KCNH7: variants seen among roughly 807,000 people sequenced by gnomAD.
The protein encoded by KCNH7 is voltage-gated inwardly rectifying potassium channel KCNH7.
KCNH7 carries 49 observed loss-of-function variants against 120.8 expected under a neutral mutation model. The observed-to-expected ratio is 0.41, with a 90% CI of 0.32 to 0.51. KCNH7 has a LOEUF of 0.51. Among genes scored for constraint, KCNH7 ranks in the 20% least tolerant of loss-of-function variants. The pLI is 0.38. For synonymous variants in KCNH7, 547 were observed against 516.1 expected, an observed-to-expected ratio of 1.06 and a Z score of -0.81; for missense variants, 1,097 against 1,446.6, an observed-to-expected ratio of 0.76 and a Z score of 3.92.
At chr2:162,445,513 TC>T (rs1688550812) in intron 7 of KCNH7, among the ~76,000 whole-genome samples, 1 of 152,174 alleles carries the variant, frequency 6.6e-6, no homozygotes, top group Non-Finnish European at 1.5e-5. Context: ...TTTCTTAGTT[TC>T]CAACTTTATT....
At chr2:162,381,131 T>C (rs572099071) in intron 13 of KCNH7, among the ~76,000 whole-genome samples, 7 of 152,148 alleles carry the variant, frequency 4.6e-5, no homozygotes, top group Non-Finnish European at 7.4e-5. Flanking sequence ...GGAGGGCTAG[T>C]AGGAAGGAAG....
chr2:162,725,425 A>C (rs1361313478), intron 2 of KCNH7, among the ~76,000 whole-genome samples: 1 of 152,152 alleles, frequency 6.6e-6, no homozygotes, highest in East Asian at 1.9e-4. Flanking sequence ...TTATAACCAA[A>C]AATCTTTAAT....
intron 1 of KCNH7, 65 bp downstream of exon 1, chr2:162,838,378 G>T: frequency 1.5e-6 from 2 of 1,371,504 alleles, no homozygotes; most frequent in Admixed American, 1.7e-5. Flanking sequence ...CCTTGGAAGC[G>T]GTGGACGCCA....
intron 5 of KCNH7, among the ~76,000 whole-genome samples, chr2:162,507,116 C>T (rs1360172072): frequency 6.6e-6 from 1 of 151,686 alleles, no homozygotes; most frequent in Non-Finnish European, 1.5e-5. Flanking sequence ...TTATTCAGAA[C>T]TTTATCAGAA....
chr2:162,703,150 A>G (rs1226808290), intron 2 of KCNH7, among the ~76,000 whole-genome samples: 2 of 152,168 alleles, frequency 1.3e-5, no homozygotes, highest in Non-Finnish European at 2.9e-5. Flanking sequence ...ATTTTGAGAT[A>G]AATCATAATA....
At chr2:162,770,539 A>G (rs1344116185) in intron 2 of KCNH7, among the ~76,000 whole-genome samples, 1 of 152,068 alleles carries the variant, frequency 6.6e-6, no homozygotes, top group East Asian at 1.9e-4. Flanking sequence ...TAAACTGTAA[A>G]ACAATGATAC....
At chr2:162,774,489 A>T (rs1683166217) in intron 2 of KCNH7, among the ~76,000 whole-genome samples, 1 of 152,122 alleles carries the variant, frequency 6.6e-6, no homozygotes. Flanking sequence ...TACAACTCTT[A>T]TCCTGTGTGG....
intron 2 of KCNH7, among the ~76,000 whole-genome samples, chr2:162,812,368 G>C (rs1684761426): frequency 6.6e-6 from 1 of 152,088 alleles, no homozygotes; most frequent in African/African-American, 2.4e-5. Context: ...ACAACCAGGA[G>C]GCTAGTGCAG....
intron 2 of KCNH7, among the ~76,000 whole-genome samples, chr2:162,568,563 T>A (rs529299329): frequency 2.0e-5 from 3 of 152,026 alleles, no homozygotes; most frequent in Non-Finnish European, 2.9e-5. Context: ...TGAGGTAAAG[T>A]TGAGTGACAT....
chr2:162,815,015 C>T (rs1684869037), intron 2 of KCNH7, among the ~76,000 whole-genome samples: 1 of 151,990 alleles, frequency 6.6e-6, no homozygotes, highest in Admixed American at 6.6e-5. Flanking sequence ...TTTTTTCTGC[C>T]TCTGCATTTG....
At chr2:162,382,303 T>C (rs1464697159) in intron 13 of KCNH7, among the ~76,000 whole-genome samples, 3 of 152,064 alleles carry the variant, frequency 2.0e-5, no homozygotes, top group African/African-American at 7.2e-5. Flanking sequence ...TTAATTAAAA[T>C]CTGAAGATAC....
chr2:162,535,213 T>C (rs913589977), intron 3 of KCNH7, among the ~76,000 whole-genome samples: 3 of 151,754 alleles, frequency 2.0e-5, no homozygotes, highest in African/African-American at 7.2e-5. Context: ...TTCTTTTTAA[T>C]GATACCTTGG....
intron 2 of KCNH7, among the ~76,000 whole-genome samples, chr2:162,675,222 T>A (rs1406458467): frequency 6.6e-6 from 1 of 151,396 alleles, no homozygotes; most frequent in Admixed American, 6.6e-5. Flanking sequence ...TAAGAGATGA[T>A]CAGCACAATT....
chr2:162,660,798 C>A (rs922686301), intron 2 of KCNH7, among the ~76,000 whole-genome samples: 1 of 152,172 alleles, frequency 6.6e-6, no homozygotes, highest in Non-Finnish European at 1.5e-5. Context: ...CTAACACAAC[C>A]TTTAAAATGG....
At chr2:162,623,840 T>C in intron 2 of KCNH7, among the ~76,000 whole-genome samples, 1 of 152,214 alleles carries the variant, frequency 6.6e-6, no homozygotes, top group East Asian at 1.9e-4. Context: ...TTGAGGAGTG[T>C]TTGAGAGGTA....
chr2:162,508,326 GTTT>G (rs201688020), intron 5 of KCNH7, among the ~76,000 whole-genome samples: 1 of 139,284 alleles, frequency 7.2e-6, no homozygotes, highest in Non-Finnish European at 1.6e-5. Context: ...TCTATTCTGG[GTTT>G]TTTTTTTTGG....
chr2:162,819,446 A>G (rs1179130383), intron 2 of KCNH7, among the ~76,000 whole-genome samples: 2 of 152,244 alleles, frequency 1.3e-5, no homozygotes, highest in Admixed American at 6.5e-5. Flanking sequence ...GAGGCAACTT[A>G]TAAACAATAG....
In KCNH7 at chr2:162,504,588, G is replaced by A. The variant is rs1273274831; in HGVS notation, c.983C>T (p.Thr328Ile). 1 of 1,612,820 alleles carries A rather than the reference G, an allele frequency of 6.2e-7. No homozygotes were observed. Among genetic ancestry groups the A allele is most frequent in the South Asian group, 1.1e-5 (1 of 91,050 alleles). The change falls in exon 6 of 16, where the codon ACC (threonine) becomes ATC (isoleucine). Residue 328 changes from threonine (T) to isoleucine (I), a missense_variant. Thr to Ile is a moderately conservative substitution (Grantham distance 89). Transcript: ENST00000332142. ...TSDSNLNKYS[T>I]INKIPQLTLN... Reference sequence around the variant, plus strand: ...AGTGAGCTGTGGAATCTTGTTAATGGTGCTGTATTTGTTGAGGTTTGAATC... The same window carrying A: ...AGTGAGCTGTGGAATCTTGTTAATGATGCTGTATTTGTTGAGGTTTGAATC...
intron 2 of KCNH7, among the ~76,000 whole-genome samples, chr2:162,708,925 A>C (rs1686817677): frequency 6.6e-6 from 1 of 152,072 alleles, no homozygotes; most frequent in Non-Finnish European, 1.5e-5. Context: ...CATAGTAGAG[A>C]AGTACAAGGT....
Sources: gnomAD v4.1 joint callset for allele counts (sites outside exome capture counted in the v4.1 genomes callset) on GRCh38, gnomAD v4.1.1 for gene constraint, MANE v1.5 for transcripts, NCBI Gene and HGNC (gene_info 2026-07-23, HGNC 2026-07-21) for gene names.